GLIPR1L1: variants seen among roughly 807,000 people sequenced by gnomAD.
GLIPR1L1 encodes the protein GLIPR1 like 1, also known as GLIPR1-like protein 1.
A neutral mutation model predicts 29.9 loss-of-function variants in GLIPR1L1; 26 were observed. That is an observed-to-expected ratio of 0.87 (90% confidence interval 0.64 to 1.21). The LOEUF is 1.21. Among genes scored for constraint, GLIPR1L1 ranks in the 50% most tolerant of loss-of-function variants. The pLI is 0.00. For missense variants in GLIPR1L1, 305 were observed against 290.3 expected (o/e 1.05, Z -0.37); for synonymous variants, 77 against 97.5 (o/e 0.79, Z 1.24).
intron 3 of GLIPR1L1, among the ~76,000 whole-genome samples, chr12:75,350,008 G>C (rs1048037752): frequency 6.6e-6 from 1 of 152,214 alleles, no homozygotes; most frequent in Non-Finnish European, 1.5e-5. Context: ...AGGGAGGGGT[G>C]CCCACCACCA....
At chr12:75,367,498 C>T (rs1427455314) in intron 4 of GLIPR1L1, among the ~76,000 whole-genome samples, 2 of 151,950 alleles carry the variant, frequency 1.3e-5, no homozygotes, top group Non-Finnish European at 2.9e-5. Context: ...ATCAATATAA[C>T]CACCTTCCAT....
chr12:75,340,161 AAT>A (rs112387681), intron 1 of GLIPR1L1, among the ~76,000 whole-genome samples: 1 of 149,806 alleles, frequency 6.7e-6, no homozygotes, highest in African/African-American at 2.4e-5. Context: ...TATATGTATA[AAT>A]ATATATATAC....
At chr12:75,342,034 C>G (rs1192860050) in intron 1 of GLIPR1L1, among the ~76,000 whole-genome samples, 1 of 152,118 alleles carries the variant, frequency 6.6e-6, no homozygotes, top group Non-Finnish European at 1.5e-5. Flanking sequence ...TGAGTCACCA[C>G]GCCTGGCCAC....
chr12:75,340,394 C>T (rs962880621), intron 1 of GLIPR1L1, among the ~76,000 whole-genome samples: 10 of 151,118 alleles, frequency 6.6e-5, no homozygotes, highest in Non-Finnish European at 4.4e-5. Flanking sequence ...CATTTAATGC[C>T]TATAAGAAAA....
rs113385365 is a variant in GLIPR1L1, at chr12:75,339,549, C to T, written c.175-4144C>T. Among the ~76,000 whole-genome samples the T allele has an allele frequency of 2.8e-3, 432 of 152,222 alleles. 3 individuals are homozygous for T. Among genetic ancestry groups the T allele is most frequent in the African/African-American group, 0.01 (418 of 41,544 alleles). On this transcript the variant is annotated intron_variant, in intron 1 of 5. Transcript: ENST00000378695. ...TCTACCATTCTGTAGGTTGTCTGTT[C>T]ACTCTGATGATACTTTCTTTTGCCG...
In GLIPR1L1 at chr12:75,357,974, A is replaced by T. The variant is rs572833436; in HGVS notation, c.522-5128A>T. ...AAAAAGACAAAAGTAAATCTAAAGT[A>T]AAAAAAAAAAAGTAATAACAAAAAT... On this transcript the variant is annotated intron_variant, in intron 3 of 5. Coordinates refer to ENST00000378695, the MANE Select transcript of GLIPR1L1 (RefSeq NM_001304964.2). Among the ~76,000 whole-genome samples the T allele has an allele frequency of 2.3e-4, 34 of 145,054 alleles. 2 individuals are homozygous for T. The South Asian group carries it at 7.3e-3, about 31-fold the overall frequency.
At chr12:75,347,393 T>C (rs80291096) in intron 2 of GLIPR1L1, among the ~76,000 whole-genome samples, 5,758 of 152,170 alleles carry the variant, frequency 0.038, 126 homozygotes, top group East Asian at 0.052. Context: ...ATCCTTTTGA[T>C]TTATAAGAAT....
chr12:75,357,392 G>T lies in GLIPR1L1; in HGVS notation c.522-5710G>T, dbSNP rs2043222056. On this transcript the variant is annotated intron_variant, in intron 3 of 5. Transcript: ENST00000378695. ...ATAAGATCCAATATTACTGTAAAGA[G>T]AATTAGATAAATCCATAATTAACAT... 3.3e-5 allele frequency among the ~76,000 whole-genome samples: 5 copies of T among 152,066 alleles called. No homozygotes were observed. In the South Asian group the frequency reaches 1.0e-3, roughly 31 times the overall value.
chr12:75,335,299 TCTTA>T (rs1482888843), intron 1 of GLIPR1L1, among the ~76,000 whole-genome samples: 1 of 152,206 alleles, frequency 6.6e-6, no homozygotes, highest in African/African-American at 2.4e-5. Context: ...TCTCTTGTTC[TCTTA>T]CTTATTTTTA....
At chr12:75,346,759 A>G (rs1011116557) in intron 2 of GLIPR1L1, among the ~76,000 whole-genome samples, 1 of 152,152 alleles carries the variant, frequency 6.6e-6, no homozygotes, top group African/African-American at 2.4e-5. Context: ...TCTGGCTAGG[A>G]CAAGGCTATA....
chr12:75,347,408 A>G (rs1039048938), intron 2 of GLIPR1L1, among the ~76,000 whole-genome samples: 1 of 152,096 alleles, frequency 6.6e-6, no homozygotes, highest in Non-Finnish European at 1.5e-5. Flanking sequence ...AAGAATTACC[A>G]GTAAGGAAAA....
chr12:75,365,685 C>G (rs747301949), intron 4 of GLIPR1L1, among the ~76,000 whole-genome samples: 10 of 152,082 alleles, frequency 6.6e-5, no homozygotes, highest in Non-Finnish European at 1.5e-4. Context: ...ATTACATTTA[C>G]CTCATTATTT....
chr12:75,353,632 C>A (rs2042957802), intron 3 of GLIPR1L1, among the ~76,000 whole-genome samples: 2 of 152,156 alleles, frequency 1.3e-5, no homozygotes, highest in Non-Finnish European at 2.9e-5. Context: ...GGACTCCTCC[C>A]TAACCATTTT....
chr12:75,341,428 T>C (rs2042097478), intron 1 of GLIPR1L1, among the ~76,000 whole-genome samples: 1 of 152,148 alleles, frequency 6.6e-6, no homozygotes, highest in Non-Finnish European at 1.5e-5. Flanking sequence ...GGATTCTATT[T>C]ATATAACATT....
chr12:75,346,672 T>C (rs1474651077), intron 2 of GLIPR1L1, among the ~76,000 whole-genome samples: 1 of 152,192 alleles, frequency 6.6e-6, no homozygotes, highest in Non-Finnish European at 1.5e-5. Context: ...AAGTTCTCAG[T>C]TCACTTTGAT....
chr12:75,340,428 A>G (rs1293217931), intron 1 of GLIPR1L1, among the ~76,000 whole-genome samples: 6 of 151,786 alleles, frequency 4.0e-5, no homozygotes, highest in Admixed American at 3.9e-4. Flanking sequence ...CCTAAAGAGC[A>G]AAAATTAACC....
chr12:75,352,890 T>A (rs913019250), intron 3 of GLIPR1L1, among the ~76,000 whole-genome samples: 1 of 152,210 alleles, frequency 6.6e-6, no homozygotes, highest in African/African-American at 2.4e-5. Context: ...TGCTCTTGAA[T>A]GACTCCTGGG....
chr12:75,369,378 G>A (rs2044205528), intron 4 of GLIPR1L1: 1 of 264,908 alleles, frequency 3.8e-6, no homozygotes. Flanking sequence ...CAATAAAAGG[G>A]ATTTTATTTT....
At chr12:75,338,782 G>C (rs561415671) in intron 1 of GLIPR1L1, among the ~76,000 whole-genome samples, 1 of 152,162 alleles carries the variant, frequency 6.6e-6, no homozygotes, top group South Asian at 2.1e-4. Flanking sequence ...GCCCCAATGT[G>C]TGTTGATCCC....
Sources: gnomAD v4.1 joint callset for allele counts (sites outside exome capture counted in the v4.1 genomes callset) on GRCh38, gnomAD v4.1.1 for gene constraint, MANE v1.5 for transcripts, NCBI Gene and HGNC (gene_info 2026-07-23, HGNC 2026-07-21) for gene names.